KDM6A: variants seen among roughly 807,000 people sequenced by gnomAD.
KDM6A encodes the protein lysine-specific demethylase 6A.
In KDM6A, 11 loss-of-function variants were observed where a neutral mutation model predicts 117.6. The ratio of observed to expected loss-of-function variants is 0.09; its 90% confidence interval spans 0.06 to 0.15. The LOEUF (loss-of-function observed/expected upper bound fraction) is 0.15. KDM6A is among the 10% of genes least tolerant of loss of function. The pLI is 1.00. For missense variants in KDM6A, 799 were observed against 1,077.3 expected, an observed-to-expected ratio of 0.74 and a Z score of 3.62; for synonymous variants, 384 against 396.1, an observed-to-expected ratio of 0.97 and a Z score of 0.36.
chrX:45,040,459 A>C (rs1162965113), intron 8 of KDM6A, among the ~76,000 whole-genome samples: 37 of 51,677 alleles, frequency 7.2e-4, no homozygotes, highest in South Asian at 1.2e-3. Flanking sequence ...GACCCCCCCC[A>C]CCTCCCTCCC....
intron 2 of KDM6A, among the ~76,000 whole-genome samples, chrX:44,958,569 A>G (rs2038478147): frequency 9.2e-6 from 1 of 108,180 alleles, no homozygotes; most frequent in African/African-American, 3.4e-5. Context: ...TGAACAAAAT[A>G]CAAGGAAGAT....
At chrX:44,998,766 C>T (rs1258740290) in intron 4 of KDM6A, among the ~76,000 whole-genome samples, 4 of 111,199 alleles carry the variant, frequency 3.6e-5, no homozygotes, top group Non-Finnish European at 5.7e-5. Flanking sequence ...TTGTTAATAT[C>T]CTAGCATAAA....
At chrX:44,904,355 C>CAGTG (rs1371466623) in intron 2 of KDM6A, among the ~76,000 whole-genome samples, 1 of 111,771 alleles carries the variant, frequency 8.9e-6, no homozygotes, top group Non-Finnish European at 1.9e-5. Flanking sequence ...GGGGACTTCT[C>CAGTG]AGATTTTTCT....
intron 29 of KDM6A, among the ~76,000 whole-genome samples, chrX:45,110,934 T>G (rs766296215): frequency 8.9e-6 from 1 of 112,174 alleles, no homozygotes; most frequent in South Asian, 3.7e-4. Flanking sequence ...AAATTTACTT[T>G]CTGATATTTT....
intron 7 of KDM6A, among the ~76,000 whole-genome samples, chrX:45,037,304 A>G (rs1304591873): frequency 8.9e-6 from 1 of 112,077 alleles, no homozygotes; most frequent in African/African-American, 3.2e-5. Context: ...TTTGAAATGT[A>G]TAGATTATAA....
rs1412985730 is a variant in KDM6A at position 44,922,027 on chromosome X, C to CT, written c.226-39257_226-39256insT. Among the ~76,000 whole-genome samples, 227 of 37,713 alleles carry CT rather than the reference C, an allele frequency of 6.0e-3. 98 individuals carry two copies. The highest frequency in any genetic ancestry group is 0.034 in the East Asian group (20 of 588). The allele number at this position is 37,713 out of a possible 115,157, so 32.7% of individuals were successfully genotyped here. Reference sequence around the variant, plus strand: ...ATGCTGATAAAATTCATTGTGTGTGCCTTTTTTTTTTTTTTTTTTTTTTTT... The same window carrying CT: ...ATGCTGATAAAATTCATTGTGTGTGCTCTTTTTTTTTTTTTTTTTTTTTTTT... On this transcript the variant is annotated intron_variant, in intron 2 of 29. Coordinates refer to ENST00000611820, the MANE Select transcript of KDM6A (RefSeq NM_001291415.2).
intron 5 of KDM6A, among the ~76,000 whole-genome samples, chrX:45,016,802 T>TA (rs2041989258): frequency 9.0e-6 from 1 of 111,548 alleles, no homozygotes; most frequent in Admixed American, 9.6e-5. Context: ...CCAGCCAACT[T>TA]AAAGTTTTAT....
At chrX:45,067,644 C>CTTTTTTTTTTTTTTTTTTTTT in intron 17 of KDM6A, among the ~76,000 whole-genome samples, 1 of 90,088 alleles carries the variant, frequency 1.1e-5, no homozygotes, top group Non-Finnish European at 2.0e-5. Flanking sequence ...TGGTGTGTAT[C>CTTTTTTTTTTTTTTTTTTTTT]TTTTTTTTGT....
At chrX:45,076,556 C>A in intron 18 of KDM6A, 141 bp from the exon 19 acceptor site, 1 of 456,665 alleles carries the variant, frequency 2.2e-6, no homozygotes, top group Non-Finnish European at 3.8e-6. Context: ...TAGTGTTTTT[C>A]CTGATGGATC....
chrX:44,879,749 C>T (rs1430317230), intron 2 of KDM6A, among the ~76,000 whole-genome samples: 3 of 112,228 alleles, frequency 2.7e-5, no homozygotes, highest in African/African-American at 9.7e-5. Flanking sequence ...GTAAATTTAA[C>T]AATTCACAAG....
At chrX:45,099,789 C>T (rs191486616) in intron 27 of KDM6A, among the ~76,000 whole-genome samples, 1,684 of 111,802 alleles carry the variant, frequency 0.015, 16 homozygotes, top group Non-Finnish European at 0.025. Flanking sequence ...AATCCCAACA[C>T]TTTGGGAGGC....
At chrX:45,061,572 A>C (rs912248320) in intron 15 of KDM6A, among the ~76,000 whole-genome samples, 153 bp downstream of exon 15, 4 of 100,045 alleles carry the variant, frequency 4.0e-5, no homozygotes, top group African/African-American at 7.8e-5. Flanking sequence ...GCTCACTGCA[A>C]CCTCCGCGTC....
chrX:44,998,993 A>G (rs2041003475), intron 4 of KDM6A, among the ~76,000 whole-genome samples: 1 of 111,642 alleles, frequency 9.0e-6, no homozygotes, highest in South Asian at 3.7e-4. Context: ...CTTATTATAT[A>G]CGTTTTTGTC....
chrX:44,964,583 C>T (rs746310233), intron 3 of KDM6A, among the ~76,000 whole-genome samples: 4 of 111,209 alleles, frequency 3.6e-5, no homozygotes, highest in Non-Finnish European at 7.5e-5. Flanking sequence ...TCTTGGGTAA[C>T]CAGGTGCATT....
At chrX:45,097,275 C>T (rs2148236385) in intron 27 of KDM6A, among the ~76,000 whole-genome samples, 1 of 110,485 alleles carries the variant, frequency 9.1e-6, no homozygotes, top group East Asian at 2.8e-4. Context: ...ACCTGGGTGA[C>T]AAAATAATCT....
chrX:45,048,975 A>G (rs756075440), intron 8 of KDM6A, among the ~76,000 whole-genome samples: 3 of 111,084 alleles, frequency 2.7e-5, no homozygotes, highest in African/African-American at 6.6e-5. Context: ...AGTGACAGAC[A>G]CTTAGGTTGC....
chrX:44,963,086 A>G (rs1016448170), intron 3 of KDM6A, among the ~76,000 whole-genome samples: 2 of 111,462 alleles, frequency 1.8e-5, no homozygotes, highest in African/African-American at 6.5e-5. Context: ...TCTGTTAACT[A>G]AGTTTACGTA....
intron 4 of KDM6A, among the ~76,000 whole-genome samples, chrX:44,985,261 A>G (rs1216719147): frequency 8.9e-6 from 1 of 111,957 alleles, no homozygotes; most frequent in Non-Finnish European, 1.9e-5. Context: ...TGGATTTTGT[A>G]TCCTGAGACT....
chrX:44,907,833 C>T (rs1203433889), intron 2 of KDM6A, among the ~76,000 whole-genome samples: 11 of 102,936 alleles, frequency 1.1e-4, no homozygotes, highest in Non-Finnish European at 2.0e-5. Context: ...GCCTGTTGGA[C>T]AGCTGGCATT....
Sources: gnomAD v4.1 joint callset for allele counts (sites outside exome capture counted in the v4.1 genomes callset) on GRCh38, gnomAD v4.1.1 for gene constraint, MANE v1.5 for transcripts, NCBI Gene and HGNC (gene_info 2026-07-23, HGNC 2026-07-21) for gene names.